GLI3: variants seen among roughly 807,000 people sequenced by gnomAD.
The protein encoded by GLI3 is transcription activator GLI3.
Under a neutral mutation model 100.8 loss-of-function variants are expected in GLI3, and 20 were observed. The ratio of observed to expected loss-of-function variants is 0.20; its 90% CI spans 0.14 to 0.29. The LOEUF (loss-of-function observed/expected upper bound fraction) is 0.29. Among genes scored for constraint, GLI3 ranks in the 10% least tolerant of loss-of-function variants. The probability of loss-of-function intolerance (pLI) is 1.00; values close to 1 mark genes in which losing one functional copy is unlikely to be tolerated. For synonymous variants in GLI3, 938 were observed against 860.5 expected (o/e 1.09, Z -1.58); for missense variants, 2,040 against 2,128.5 (o/e 0.96, Z 0.82).
chr7:42,023,440 G>T (rs1400809674), intron 10 of GLI3, 28 bp downstream of exon 10: 5 of 1,613,228 alleles, frequency 3.1e-6, no homozygotes, highest in South Asian at 1.1e-5. Flanking sequence ...GAGCTGTAAA[G>T]CTCGGTTCCT....
chr7:42,103,422 C>T (rs982510804), intron 3 of GLI3, among the ~76,000 whole-genome samples: 6 of 151,700 alleles, frequency 4.0e-5, no homozygotes, highest in South Asian at 2.1e-4. Flanking sequence ...ATCCAATCTC[C>T]GATTTATACA....
chr7:42,050,215 GCTA>G (rs1784327651), intron 4 of GLI3, among the ~76,000 whole-genome samples: 1 of 151,976 alleles, frequency 6.6e-6, no homozygotes, highest in Non-Finnish European at 1.5e-5. Context: ...TTACTTAGAT[GCTA>G]CTTTGGGAAA....
In GLI3 at chr7:42,060,517, AT is replaced by A. The variant is rs1374469159; in HGVS notation, c.474-11822del. 4.6e-5 allele frequency among the ~76,000 whole-genome samples: 7 copies of A among 152,308 alleles called. No individual in the cohort carries two copies. In the East Asian group the frequency reaches 9.6e-4, roughly 21 times the overall value. ...AACTTCATTGCCATGAAGAAAAAAA[AT>A]AAAAACTTTTGTCTTTAGAGATAGA... On this transcript the variant is annotated intron_variant, in intron 4 of 14. Coordinates refer to ENST00000395925, the MANE Select transcript of GLI3 (RefSeq NM_000168.6).
intron 3 of GLI3, among the ~76,000 whole-genome samples, chr7:42,089,718 C>T (rs577959069): frequency 6.6e-6 from 1 of 152,264 alleles, no homozygotes; most frequent in African/African-American, 2.4e-5. Context: ...AAACAAATTA[C>T]AATAATCACT....
chr7:42,069,964 G>C, intron 4 of GLI3, among the ~76,000 whole-genome samples: 1 of 152,216 alleles, frequency 6.6e-6, no homozygotes, highest in East Asian at 1.9e-4. Context: ...TGTGAAGGGA[G>C]GGAGCAAGCC....
chr7:42,068,693 A>G (rs1360584739), intron 4 of GLI3, among the ~76,000 whole-genome samples: 1 of 152,154 alleles, frequency 6.6e-6, no homozygotes, highest in Non-Finnish European at 1.5e-5. Context: ...TGTTCCCCCG[A>G]GGAAAGGTCT....
chr7:42,192,692 C>G (rs1385472557), intron 2 of GLI3, among the ~76,000 whole-genome samples: 2 of 152,218 alleles, frequency 1.3e-5, no homozygotes, highest in Non-Finnish European at 2.9e-5. Flanking sequence ...AATGTTTAAT[C>G]TGGAAAATCA....
chr7:42,118,483 C>A (rs1785915125), intron 3 of GLI3, among the ~76,000 whole-genome samples: 1 of 152,184 alleles, frequency 6.6e-6, no homozygotes, highest in Non-Finnish European at 1.5e-5. Flanking sequence ...CCCCTAGCCC[C>A]CAATTTTCAG....
intron 3 of GLI3, among the ~76,000 whole-genome samples, chr7:42,096,540 G>A (rs1785341903): frequency 6.6e-6 from 1 of 152,200 alleles, no homozygotes; most frequent in Non-Finnish European, 1.5e-5. Context: ...GGGAGTTTCA[G>A]CCTGAAGGAC....
chr7:42,019,870 A>C (rs1222573439), intron 10 of GLI3, among the ~76,000 whole-genome samples: 1 of 152,114 alleles, frequency 6.6e-6, no homozygotes, highest in Non-Finnish European at 1.5e-5. Context: ...GACACCAAGA[A>C]AGGGATGAAG....
chr7:42,033,709 C>T (rs1005443816), intron 7 of GLI3, among the ~76,000 whole-genome samples: 1 of 152,164 alleles, frequency 6.6e-6, no homozygotes, highest in African/African-American at 2.4e-5. Context: ...AGCTGCCATC[C>T]AAAGAACCAT....
At chr7:42,076,676 A>G (rs1784884266) in intron 4 of GLI3, 76 bp downstream of exon 4, 4 of 907,950 alleles carry the variant, frequency 4.4e-6, no homozygotes, top group Admixed American at 1.7e-5. Context: ...TGGACATGCC[A>G]TTAACAAAAA....
chr7:42,167,395 G>T (rs1324335284), intron 2 of GLI3, among the ~76,000 whole-genome samples: 1 of 152,134 alleles, frequency 6.6e-6, no homozygotes, highest in Non-Finnish European at 1.5e-5. Context: ...TTTAGCCCAT[G>T]CATATGAGAG....
At chr7:42,190,139 TCA>T (rs1562779273) in intron 2 of GLI3, among the ~76,000 whole-genome samples, 2 of 82,848 alleles carry the variant, frequency 2.4e-5, no homozygotes, top group Non-Finnish European at 2.5e-5. Context: ...CATCTTACTG[TCA>T]AAAAAAAAAA....
chr7:42,062,636 G>C (rs1207828492), intron 4 of GLI3, among the ~76,000 whole-genome samples: 7 of 152,024 alleles, frequency 4.6e-5, no homozygotes, highest in Non-Finnish European at 8.8e-5. Flanking sequence ...CCAGGTTTGT[G>C]CATTTTATCT....
At chr7:42,188,127 TG>T (rs1222782368) in intron 2 of GLI3, among the ~76,000 whole-genome samples, 1 of 151,906 alleles carries the variant, frequency 6.6e-6, no homozygotes, top group Non-Finnish European at 1.5e-5. Context: ...GGATGGCCAG[TG>T]GCTCCCAGGA....
intron 3 of GLI3, among the ~76,000 whole-genome samples, chr7:42,138,856 G>A (rs1786493423): frequency 6.6e-6 from 1 of 152,190 alleles, no homozygotes; most frequent in African/African-American, 2.4e-5. Flanking sequence ...GCTTCCTAGA[G>A]TGGGCTCCCT....
At chr7:42,167,443 A>G (rs1439906921) in intron 2 of GLI3, among the ~76,000 whole-genome samples, 1 of 152,212 alleles carries the variant, frequency 6.6e-6, no homozygotes, top group Non-Finnish European at 1.5e-5. Flanking sequence ...AGATACCCAT[A>G]AAATTGGAAA....
At chr7:42,002,511 A>G (rs1425234279) in intron 10 of GLI3, among the ~76,000 whole-genome samples, 1 of 152,216 alleles carries the variant, frequency 6.6e-6, no homozygotes, top group Non-Finnish European at 1.5e-5. Flanking sequence ...GTAGACAAAG[A>G]AACAAGTAGA....
Sources: gnomAD v4.1 joint callset for allele counts (sites outside exome capture counted in the v4.1 genomes callset) on GRCh38, gnomAD v4.1.1 for gene constraint, MANE v1.5 for transcripts, NCBI Gene and HGNC (gene_info 2026-07-23, HGNC 2026-07-21) for gene names.